Variants in ZNF717 observed in about 807,000 individuals in gnomAD.
ZNF717 encodes krueppel-like factor X17.
In ZNF717, 9 loss-of-function variants were observed where a neutral mutation model predicts 13.8. That is an observed-to-expected ratio of 0.65 (90% CI 0.39 to 1.14). The LOEUF (loss-of-function observed/expected upper bound fraction) is 1.14. Ranked by LOEUF, ZNF717 falls within the 50% of genes most tolerant of loss-of-function variation. The pLI, the probability that ZNF717 is intolerant of heterozygous loss-of-function variation, is 0.01. For missense variants in ZNF717, 1,040 were observed against 1,080.7 expected, an observed-to-expected ratio of 0.96 and a Z score of 0.53; for synonymous variants, 327 against 364.1, an observed-to-expected ratio of 0.90 and a Z score of 1.16.
intron 2 of ZNF717, among the ~76,000 whole-genome samples, chr3:75,772,207 CT>C (rs59543389): frequency 0.088 from 13,439 of 152,050 alleles, 510 homozygotes; most frequent in African/African-American, 0.19. Context: ...GAGCTACCCC[CT>C]GCAGGTCTCC....
intron 2 of ZNF717, among the ~76,000 whole-genome samples, chr3:75,771,675 C>T (rs537005720): frequency 1.7e-3 from 266 of 152,352 alleles, no homozygotes; most frequent in African/African-American, 5.8e-3. Flanking sequence ...GTGGCTGGGG[C>T]TGTGCGCTCC....
intron 4 of ZNF717, among the ~76,000 whole-genome samples, chr3:75,718,431 G>A (rs13094180): frequency 0.33 from 49,393 of 151,966 alleles, 9,249 homozygotes; most frequent in Non-Finnish European, 0.43. Context: ...AGTTAAGTGT[G>A]GAATTGTCCT....
chr3:75,731,763 A>C, downstream of ZNF717, among the ~76,000 whole-genome samples: 1 of 40,424 alleles, frequency 2.5e-5, no homozygotes, highest in Non-Finnish European at 8.8e-5. Context: ...AAAAAATTTA[A>C]ATAAAACAAA....
chr3:75,696,304 A>C (rs1437266925), intron 6 of ZNF717, among the ~76,000 whole-genome samples: 2 of 152,308 alleles, frequency 1.3e-5, no homozygotes. Flanking sequence ...AACAAAATTA[A>C]AGCCTTAATT....
At chr3:75,747,407 G>T (rs112712840) in intron 2 of ZNF717, among the ~76,000 whole-genome samples, 3 of 152,134 alleles carry the variant, frequency 2.0e-5, no homozygotes, top group Non-Finnish European at 4.4e-5. Context: ...AAAATCATTG[G>T]TAGCTTGATG....
At position 75,736,854 on chromosome 3, in the gene ZNF717, G is replaced by A; in HGVS notation, c.*24C>T. ...GAGCATGGAGAAATCTGTAATAGTA[G>A]CCAGAGAGGTGTAGGTTGTGTGTTC... On this transcript the variant is annotated 3_prime_UTR_variant, in exon 5 of 5. Transcript: ENST00000652011. 1 of 1,518,130 alleles carries A rather than the reference G, an allele frequency of 6.6e-7. No homozygotes were observed. Among genetic ancestry groups the A allele is most frequent in the Non-Finnish European group, 8.8e-7 (1 of 1,131,708 alleles). 94.0% of individuals were successfully genotyped at this position (1,518,130 alleles called of 1,614,324 possible). A position where few individuals can be genotyped will look rare whatever the true frequency, so the allele number is the denominator to read the frequency against.
At chr3:75,746,160 G>A (rs1209030933) in intron 2 of ZNF717, among the ~76,000 whole-genome samples, 1 of 152,150 alleles carries the variant, frequency 6.6e-6, no homozygotes, top group African/African-American at 2.4e-5. Flanking sequence ...TGCTCAGAAT[G>A]ATGGTTTCCA....
chr3:75,776,815 C>T (rs2107693132), intron 2 of ZNF717, among the ~76,000 whole-genome samples: 1 of 149,376 alleles, frequency 6.7e-6, no homozygotes, highest in South Asian at 2.1e-4. Context: ...TATCATGAGA[C>T]TCTTAAGTAT....
intron 4 of ZNF717, among the ~76,000 whole-genome samples, chr3:75,723,509 G>A (rs1164460474): frequency 2.0e-5 from 3 of 152,334 alleles, no homozygotes; most frequent in South Asian, 2.1e-4. Context: ...ATGATGATAT[G>A]TGAATATTAA....
exon 6 of ZNF717, chr3:75,730,389 A>C (rs77298160): frequency 1.2e-5 from 5 of 433,216 alleles, no homozygotes; most frequent in African/African-American, 1.0e-4. Flanking sequence ...TTTGATGTCA[A>C]TTTGCTGTGC....
intron 6 of ZNF717, among the ~76,000 whole-genome samples, chr3:75,695,694 A>T (rs139303513): frequency 1.3e-5 from 2 of 152,250 alleles, no homozygotes; most frequent in African/African-American, 2.4e-5. Context: ...TACAAACACA[A>T]GGATATTAAA....
downstream of ZNF717, among the ~76,000 whole-genome samples, chr3:75,729,615 C>CAAAAAAA (rs369485280): frequency 3.1e-4 from 36 of 115,502 alleles, no homozygotes; most frequent in African/African-American, 3.3e-4. Flanking sequence ...AACTCCATAT[C>CAAAAAAA]AAAAAAAAAA....
intron 6 of ZNF717, among the ~76,000 whole-genome samples, chr3:75,704,003 T>G (rs1275158020): frequency 6.6e-6 from 1 of 152,418 alleles, no homozygotes; most frequent in East Asian, 1.9e-4. Flanking sequence ...GTCCTAGGAG[T>G]GTAGCATTTT....
At chr3:75,725,240 G>A (rs79303908), downstream of ZNF717, among the ~76,000 whole-genome samples, 304 of 46,832 alleles carry the variant, frequency 6.5e-3, no homozygotes, top group Non-Finnish European at 0.01. Context: ...TATCTTGTTC[G>A]CTTCCAGACT....
chr3:75,715,484 A>G (rs1938029854), intron 5 of ZNF717, among the ~76,000 whole-genome samples: 1 of 152,196 alleles, frequency 6.6e-6, no homozygotes, highest in African/African-American at 2.4e-5. Flanking sequence ...CTGAGAGCCT[A>G]ATTTCATAAA....
intron 6 of ZNF717, among the ~76,000 whole-genome samples, chr3:75,698,686 C>T (rs1222794739): frequency 1.6e-4 from 25 of 151,990 alleles, no homozygotes; most frequent in African/African-American, 5.8e-4. Flanking sequence ...CCAGGGTGTG[C>T]AGGCAGAAGC....
At chr3:75,766,882 C>A (rs182875316) in intron 2 of ZNF717, among the ~76,000 whole-genome samples, 4 of 152,362 alleles carry the variant, frequency 2.6e-5, no homozygotes, top group Admixed American at 6.5e-5. Context: ...CTTTGAAACA[C>A]CCTGTGAGTC....
At chr3:75,697,483 G>A (rs1254167992) in intron 6 of ZNF717, among the ~76,000 whole-genome samples, 2 of 152,400 alleles carry the variant, frequency 1.3e-5, no homozygotes, top group Non-Finnish European at 2.9e-5. Context: ...TTATTTAAAA[G>A]TGTGTAACAA....
chr3:75,709,004 TTTC>T (rs1319965767), downstream of ZNF717, among the ~76,000 whole-genome samples: 2 of 109,070 alleles, frequency 1.8e-5, no homozygotes, highest in East Asian at 3.6e-4. Context: ...TTCTTTTTCT[TTTC>T]TTTTTTTTTT....
Sources: allele counts gnomAD v4.1 joint callset (sites outside exome capture counted in the v4.1 genomes callset), GRCh38; gene constraint gnomAD v4.1.1; transcripts MANE v1.5; gene names NCBI Gene and HGNC (gene_info 2026-07-23, HGNC 2026-07-21).